The following CIROZ variants were observed in gnomAD, a reference collection of about 807,000 sequenced individuals.
CIROZ encodes ciliated left-right organizer protein containing ZP-N domains.
chr1:10,971,625 C>T, the CIROZ span, among the ~76,000 whole-genome samples: 77 of 152,278 alleles, frequency 5.1e-4, no homozygotes, highest in Non-Finnish European at 1.0e-3. Flanking sequence ...ATTCTCTACC[C>T]TGGTCCTGTG....
chr1:10,971,330 A>G, the CIROZ span, among the ~76,000 whole-genome samples: 2 of 151,164 alleles, frequency 1.3e-5, no homozygotes, highest in East Asian at 4.0e-4. Context: ...TCCATTCTTG[A>G]CACGGCAGCC....
At chr1:10,968,475 T>C in the CIROZ span, among the ~76,000 whole-genome samples, 25 of 152,218 alleles carry the variant, frequency 1.6e-4, no homozygotes, top group Non-Finnish European at 3.2e-4. Flanking sequence ...ACCGCTATCT[T>C]TAGCAAGAGA....
the CIROZ span, among the ~76,000 whole-genome samples, chr1:10,947,446 C>T: frequency 6.6e-6 from 1 of 152,264 alleles, no homozygotes; most frequent in Non-Finnish European, 1.5e-5. Flanking sequence ...TGGATGGCCC[C>T]AGTGACTCTC....
the CIROZ span, chr1:10,969,965 C>T: frequency 6.5e-7 from 1 of 1,531,600 alleles, no homozygotes; most frequent in Non-Finnish European, 8.7e-7. Context: ...CCGACCACCT[C>T]TTACCTGGCA....
the CIROZ span, among the ~76,000 whole-genome samples, chr1:10,980,136 G>A: frequency 0.36 from 55,125 of 152,254 alleles, 12,942 homozygotes; most frequent in African/African-American, 0.67. Flanking sequence ...GGCTGCCCTC[G>A]TTGAGCCATT....
chr1:10,957,259 G>A, the CIROZ span, among the ~76,000 whole-genome samples: 3 of 152,208 alleles, frequency 2.0e-5, no homozygotes, highest in South Asian at 2.1e-4. Flanking sequence ...TTATGGCGCC[G>A]ATGCAACTAG....
the CIROZ span, among the ~76,000 whole-genome samples, chr1:10,951,596 G>T: frequency 6.7e-6 from 1 of 149,722 alleles, no homozygotes; most frequent in East Asian, 2.0e-4. Flanking sequence ...ATGGTGTCTT[G>T]TACCTATAAT....
At chr1:10,970,062 A>G in the CIROZ span, 1 of 1,533,374 alleles carries the variant, frequency 6.5e-7, no homozygotes, top group South Asian at 1.2e-5. Flanking sequence ...GAAGCACTCA[A>G]CTGTGTCTGT....
chr1:10,962,919 A>G, the CIROZ span, among the ~76,000 whole-genome samples: 1 of 152,334 alleles, frequency 6.6e-6, no homozygotes, highest in Non-Finnish European at 1.5e-5. Context: ...CAGGAGTTTG[A>G]GACCAGCCTG....
chr1:10,971,257 G>A, the CIROZ span, among the ~76,000 whole-genome samples: 1 of 150,372 alleles, frequency 6.7e-6, no homozygotes, highest in Non-Finnish European at 1.5e-5. Context: ...CAGACCAGAG[G>A]GGAGAGGCAG....
chr1:10,956,046 A>G, the CIROZ span, among the ~76,000 whole-genome samples: 1 of 152,196 alleles, frequency 6.6e-6, no homozygotes, highest in South Asian at 2.1e-4. Flanking sequence ...GGTCATTGCC[A>G]ATGCCTGAAA....
the CIROZ span, chr1:10,947,639 T>C: frequency 6.9e-7 from 1 of 1,446,440 alleles, no homozygotes; most frequent in Non-Finnish European, 9.1e-7. Flanking sequence ...CACCCAGGAC[T>C]CACCCTGGAG....
chr1:10,964,172 T>C, the CIROZ span: 2 of 1,614,040 alleles, frequency 1.2e-6, no homozygotes, highest in Non-Finnish European at 1.7e-6. Flanking sequence ...TGGCCCAGCC[T>C]TGACCTTAGC....
chr1:10,954,126 C>T, the CIROZ span: 1 of 1,612,880 alleles, frequency 6.2e-7, no homozygotes, highest in South Asian at 1.1e-5. Flanking sequence ...CGGGGTTCCT[C>T]CGACTTCTTG....
chr1:10,962,304 G>A, the CIROZ span, among the ~76,000 whole-genome samples: 56 of 152,118 alleles, frequency 3.7e-4, no homozygotes, highest in African/African-American at 1.2e-3. Flanking sequence ...AAAATTAGCC[G>A]AGTATGGTAA....
chr1:10,956,582 T>C, the CIROZ span, among the ~76,000 whole-genome samples: 1 of 151,754 alleles, frequency 6.6e-6, no homozygotes, highest in Non-Finnish European at 1.5e-5. Flanking sequence ...TTCACGCCAT[T>C]CTCCTGCCTC....
At chr1:10,955,784 C>T in the CIROZ span, among the ~76,000 whole-genome samples, 5 of 141,772 alleles carry the variant, frequency 3.5e-5, no homozygotes, top group African/African-American at 7.9e-5. Flanking sequence ...GTGGAGGTTG[C>T]AATGAGCCGA....
At chr1:10,970,624 C>T in the CIROZ span, among the ~76,000 whole-genome samples, 7 of 151,790 alleles carry the variant, frequency 4.6e-5, no homozygotes, top group Non-Finnish European at 8.8e-5. Context: ...GAAACTCTGA[C>T]TCAAAAAAAA....
chr1:10,963,342 T>C, the CIROZ span, among the ~76,000 whole-genome samples: 1 of 151,884 alleles, frequency 6.6e-6, no homozygotes, highest in Non-Finnish European at 1.5e-5. Flanking sequence ...AGAGCCGAGA[T>C]TGCACCACTG....
Sources: allele counts gnomAD v4.1 joint callset (sites outside exome capture counted in the v4.1 genomes callset), GRCh38; gene constraint gnomAD v4.1.1; transcripts MANE v1.5; gene names NCBI Gene and HGNC (gene_info 2026-07-23, HGNC 2026-07-21).